Variants in OPCML observed in about 807,000 individuals in gnomAD.
OPCML encodes opioid-binding protein/cell adhesion molecule.
Under a neutral mutation model 37.8 loss-of-function variants are expected in OPCML, and 13 were observed. The observed-to-expected ratio is 0.34, with a 90% confidence interval of 0.22 to 0.55. OPCML has a LOEUF of 0.55. OPCML is among the 20% of genes least tolerant of loss of function. OPCML has a pLI of 0.91. For synonymous variants in OPCML, 176 were observed against 168.8 expected (o/e 1.04, Z -0.33); for missense variants, 341 against 435.6 (o/e 0.78, Z 1.93).
At chr11:132,982,822 T>C (rs1946615057) in intron 1 of OPCML, among the ~76,000 whole-genome samples, 1 of 152,222 alleles carries the variant, frequency 6.6e-6, no homozygotes. Flanking sequence ...TCAACTTTAA[T>C]AAGCCAGCTC....
chr11:132,672,202 C>T (rs1448219636), intron 2 of OPCML, among the ~76,000 whole-genome samples: 1 of 152,168 alleles, frequency 6.6e-6, no homozygotes, highest in African/African-American at 2.4e-5. Context: ...GGGTCCCCTT[C>T]TACTCAAATT....
intron 1 of OPCML, among the ~76,000 whole-genome samples, chr11:132,994,298 C>T (rs958659361): frequency 6.6e-6 from 1 of 152,140 alleles, no homozygotes; most frequent in Non-Finnish European, 1.5e-5. Flanking sequence ...AAAGCCCAGG[C>T]GCGATTTTCT....
At chr11:132,487,998 G>C (rs1181073306) in intron 4 of OPCML, among the ~76,000 whole-genome samples, 1 of 152,172 alleles carries the variant, frequency 6.6e-6, no homozygotes, top group Non-Finnish European at 1.5e-5. Context: ...TGGATGTGCA[G>C]AGATCCAGTT....
intron 1 of OPCML, among the ~76,000 whole-genome samples, chr11:133,445,322 T>C (rs894358588): frequency 2.6e-5 from 4 of 152,186 alleles, no homozygotes. Flanking sequence ...AAGTCAATTT[T>C]CTGTAAAGGG....
chr11:132,801,820 A>G (rs1001581327), intron 2 of OPCML, among the ~76,000 whole-genome samples: 1 of 152,196 alleles, frequency 6.6e-6, no homozygotes, highest in Non-Finnish European at 1.5e-5. Context: ...TGTGCCATAC[A>G]GTATTCTATG....
At chr11:133,452,116 CA>C (rs1946591367) in intron 1 of OPCML, among the ~76,000 whole-genome samples, 1 of 151,564 alleles carries the variant, frequency 6.6e-6, no homozygotes, top group Non-Finnish European at 1.5e-5. Context: ...TACCAAGAAA[CA>C]GGAAAATGTG....
chr11:133,321,859 G>A (rs1026083929), intron 1 of OPCML, among the ~76,000 whole-genome samples: 4 of 152,044 alleles, frequency 2.6e-5, no homozygotes, highest in South Asian at 2.1e-4. Context: ...TCAAACATAC[G>A]AGTAGGCATG....
chr11:133,097,018 G>A (rs1182205180), intron 1 of OPCML, among the ~76,000 whole-genome samples: 1 of 152,098 alleles, frequency 6.6e-6, no homozygotes, highest in Non-Finnish European at 1.5e-5. Context: ...TATGGACATA[G>A]TTGGACTCAA....
At chr11:133,164,428 G>A (rs1001184667) in intron 1 of OPCML, among the ~76,000 whole-genome samples, 33 of 152,198 alleles carry the variant, frequency 2.2e-4, no homozygotes, top group African/African-American at 7.5e-4. Context: ...TGGGCACCTT[G>A]TCAGTGCTTT....
At chr11:132,865,213 C>T (rs1942484375) in intron 2 of OPCML, among the ~76,000 whole-genome samples, 1 of 152,224 alleles carries the variant, frequency 6.6e-6, no homozygotes, top group Non-Finnish European at 1.5e-5. Flanking sequence ...CACATACATA[C>T]ATCTTACAAA....
At chr11:133,327,308 A>G (rs910360628) in intron 1 of OPCML, among the ~76,000 whole-genome samples, 1 of 151,844 alleles carries the variant, frequency 6.6e-6, no homozygotes, top group East Asian at 1.9e-4. Context: ...AGGATGTACT[A>G]GAAGGATCCA....
intron 4 of OPCML, among the ~76,000 whole-genome samples, chr11:132,475,993 G>A (rs1022506270): frequency 4.0e-4 from 61 of 152,166 alleles, no homozygotes; most frequent in Non-Finnish European, 7.9e-4. Flanking sequence ...AAATGGAGAT[G>A]CTAAGAGTAT....
At chr11:132,710,240 G>A (rs775613134) in intron 2 of OPCML, among the ~76,000 whole-genome samples, 30 of 151,972 alleles carry the variant, frequency 2.0e-4, no homozygotes, top group Non-Finnish European at 3.2e-4. Flanking sequence ...TTGTCTATTA[G>A]GAAGAATTCA....
chr11:132,783,144 G>C (rs568435588), intron 2 of OPCML, among the ~76,000 whole-genome samples: 1 of 152,078 alleles, frequency 6.6e-6, no homozygotes, highest in East Asian at 1.9e-4. Context: ...TGTCCCTACA[G>C]TCTCTTTCCT....
chr11:133,115,725 T>C (rs1949323228), intron 1 of OPCML, among the ~76,000 whole-genome samples: 1 of 152,130 alleles, frequency 6.6e-6, no homozygotes. Context: ...TTTTTAAGTG[T>C]AAGTTTATTT....
chr11:132,945,515 C>T (rs1392718855), intron 1 of OPCML, among the ~76,000 whole-genome samples: 2 of 151,702 alleles, frequency 1.3e-5, no homozygotes, highest in African/African-American at 4.9e-5. Context: ...AGTCAGTGAG[C>T]GGGTGGGGAA....
intron 4 of OPCML, among the ~76,000 whole-genome samples, chr11:132,449,609 T>G (rs976345617): frequency 6.6e-6 from 1 of 152,192 alleles, no homozygotes. Flanking sequence ...AATTCCAGTA[T>G]GATGCCCAAA....
rs1333762605 is a variant in OPCML at position 132,688,690 on chromosome 11, T to G, written c.147-31371A>C. Among the ~76,000 whole-genome samples the G allele has an allele frequency of 4.7e-5, 5 of 105,826 alleles. 1 individual carries two copies. Among genetic ancestry groups the G allele is most frequent in the Non-Finnish European group, 1.0e-4 (5 of 50,122 alleles). The allele number at this position is 105,826 out of a possible 152,430, so 69.4% of individuals were successfully genotyped here. On this transcript the variant is annotated intron_variant, in intron 2 of 7. Coordinates refer to ENST00000524381, the MANE Select transcript of OPCML (RefSeq NM_001012393.5). ...CATATTATCTAATAGATACAAAATA[T>G]AAAAATAGATTGGGAGGCCGAGGCG...
intron 2 of OPCML, among the ~76,000 whole-genome samples, chr11:132,858,320 G>A (rs11223250): frequency 0.063 from 9,555 of 152,166 alleles, 396 homozygotes; most frequent in East Asian, 0.16. Flanking sequence ...CTCTTTGACC[G>A]GGCCTGCCAG....
Sources: gnomAD v4.1 joint callset for allele counts (sites outside exome capture counted in the v4.1 genomes callset) on GRCh38, gnomAD v4.1.1 for gene constraint, MANE v1.5 for transcripts, NCBI Gene and HGNC (gene_info 2026-07-23, HGNC 2026-07-21) for gene names.